Variants in NACAD observed in about 807,000 individuals in gnomAD.
The protein encoded by NACAD is NAC-alpha domain-containing protein 1.
NACAD carries 47 observed loss-of-function variants against 98.9 expected under a neutral mutation model. The ratio of observed to expected loss-of-function variants is 0.48; its 90% CI spans 0.38 to 0.61. NACAD has a LOEUF of 0.61. Ranked by LOEUF, NACAD falls within the 20% of genes least tolerant of loss-of-function variation. The pLI is 0.00. For missense variants in NACAD, 1,412 were observed against 1,748.2 expected (o/e 0.81, Z 3.43); for synonymous variants, 696 against 767.2 (o/e 0.91, Z 1.53).
chr7:45,087,057 G>C (rs999884668), intron 1 of NACAD, among the ~76,000 whole-genome samples: 1 of 152,182 alleles, frequency 6.6e-6, no homozygotes, highest in African/African-American at 2.4e-5. Flanking sequence ...CTCAGTAAAC[G>C]TCTGTGAGCT....
At position 45,088,774 on chromosome 7, in the gene NACAD, C is replaced by G. The variant is rs1427903522; in HGVS notation, c.67+54G>C. On this transcript the variant is annotated intron_variant, in intron 1 of 7. Transcript: ENST00000490531. The surrounding 1 kb of genome is among the most constrained non-coding windows in gnomAD (Gnocchi z 5.7). ...GAAAGGTGAGCGATGGAAAGAGAACCCGGGCTGGAGAGGGGAGAGGCTGAA... is the reference window on the plus strand; with the variant it reads ...GAAAGGTGAGCGATGGAAAGAGAACGCGGGCTGGAGAGGGGAGAGGCTGAA... 7.8e-6 allele frequency: 11 copies of G among 1,410,900 alleles called. No individual in the cohort carries two copies. Among genetic ancestry groups the G allele is most frequent in the Non-Finnish European group, 1.0e-5 (11 of 1,072,168 alleles). 87.4% of individuals were successfully genotyped at this position (1,410,900 alleles called of 1,614,324 possible).
In NACAD at chr7:45,081,685, G is replaced by A; in HGVS notation, c.4186-13C>T. 6.4e-7 allele frequency: 1 copy of A among 1,551,414 alleles called. No individual in the cohort carries two copies. Among genetic ancestry groups the A allele is most frequent in the Non-Finnish European group, 8.7e-7 (1 of 1,146,998 alleles). On this transcript the variant is annotated splice_polypyrimidine_tract_variant and intron_variant, in intron 3 of 7. Transcript: ENST00000490531. Reference sequence around the variant, plus strand: ...CGCCTGCTGGGGCCTGAGAAAAGGTGAGGGCTGAGCATCCATGGGTGGGGT... The same window carrying A: ...CGCCTGCTGGGGCCTGAGAAAAGGTAAGGGCTGAGCATCCATGGGTGGGGT...
rs1784461788 is a variant in NACAD at position 45,083,213 on chromosome 7, G to A, written c.2967C>T (p.Val989=). The A allele has an allele frequency of 6.4e-7, 1 of 1,550,848 alleles. No homozygotes were observed. The highest frequency in any genetic ancestry group is 2.4e-5 in the East Asian group (1 of 40,934). Reference sequence around the variant, plus strand: ...CCTGGTCCAAGGCTGCAGGCTCCGGGACTGTAGGGAGGGCTGCATTCTTCT... The same window carrying A: ...CCTGGTCCAAGGCTGCAGGCTCCGGAACTGTAGGGAGGGCTGCATTCTTCT... ...PEEKNAALPT[V]PEPAALDQVQ... The change falls in exon 2 of 8, where the codon GTC becomes GTT. Residue 989 remains valine (V), a synonymous_variant. Transcript: ENST00000490531.
At position 45,088,957 on chromosome 7, in the gene NACAD, C is replaced by T; in HGVS notation, c.-63G>A. 8.1e-7 allele frequency: 1 copy of T among 1,241,058 alleles called. No individual in the cohort carries two copies. Among genetic ancestry groups the T allele is most frequent in the South Asian group, 2.8e-5 (1 of 36,200 alleles). 76.9% of individuals were successfully genotyped at this position (1,241,058 alleles called of 1,614,324 possible). ...GACCCTCCGTCAGTCCGTGCCGCCG[C>T]CCCGCCGAGCCTGCGCGGCCACCGC... On this transcript the variant is annotated 5_prime_UTR_variant, in exon 1 of 8. Transcript: ENST00000490531. The surrounding 1 kb of genome is among the most constrained non-coding windows in gnomAD (Gnocchi z 5.7).
At chr7:45,081,528 G>A in intron 4 of NACAD, 73 bp downstream of exon 4, 13 of 1,522,028 alleles carry the variant, frequency 8.5e-6, no homozygotes, top group Non-Finnish European at 9.8e-6. Flanking sequence ...CATGGAGTGT[G>A]AGGGTCTTGG....
Position 45,080,945 on chromosome 7 carries a change from G to T in NACAD, c.4482C>A (p.Val1494=). The T allele has an allele frequency of 5.8e-6, 9 of 1,552,386 alleles. No individual in the cohort carries two copies. Among genetic ancestry groups the T allele is most frequent in the Non-Finnish European group, 7.8e-6 (9 of 1,147,408 alleles). The change falls in exon 6 of 8, where the codon GTC becomes GTA. Residue 1494 remains valine, a synonymous_variant. Coordinates refer to ENST00000490531, the MANE Select transcript of NACAD (RefSeq NM_001146334.2). ...CCCGGGGCCTGGGTGCTGACTCAGGGACCAAGGCTGAGGGCTCTGAGGGCA... is the reference window on the plus strand; with the variant it reads ...CCCGGGGCCTGGGTGCTGACTCAGGTACCAAGGCTGAGGGCTCTGAGGGCA... ...FKVPSEPSAL[V]PESAPRPRVR... is the part of the protein sequence containing the mutation.
chr7:45,088,920 C>T lies in NACAD; in HGVS notation c.-26G>A, dbSNP rs898023878. ...GGCCTGGCCGTGCGCCCGCCCGTCCCTCAGTCCTTCCGACCCTCCGTCAGT... is the reference window on the plus strand; with the variant it reads ...GGCCTGGCCGTGCGCCCGCCCGTCCTTCAGTCCTTCCGACCCTCCGTCAGT... On this transcript the variant is annotated 5_prime_UTR_variant, in exon 1 of 8. Coordinates refer to ENST00000490531, the MANE Select transcript of NACAD (RefSeq NM_001146334.2). The surrounding 1 kb of genome is among the most constrained non-coding windows in gnomAD (Gnocchi z 5.7). 31 of 1,369,454 alleles carry T rather than the reference C, an allele frequency of 2.3e-5. No homozygotes were observed. The highest frequency in any genetic ancestry group is 2.8e-5 in the Non-Finnish European group (30 of 1,060,444). 84.8% of individuals were successfully genotyped at this position (1,369,454 alleles called of 1,614,324 possible). A position where few individuals can be genotyped will look rare whatever the true frequency, so the allele number is the denominator to read the frequency against.
intron 6 of NACAD, 50 bp from the exon 7 acceptor site, chr7:45,080,812 G>A: frequency 1.9e-6 from 3 of 1,549,562 alleles, no homozygotes; most frequent in Non-Finnish European, 2.6e-6. Flanking sequence ...AGGTCCCTGG[G>A]GCAGAGCCCC....
In NACAD at chr7:45,080,754, C is replaced by A; in HGVS notation, c.4560G>T (p.Glu1520Asp). 1 of 1,550,998 alleles carries A rather than the reference C, an allele frequency of 6.4e-7. No individual in the cohort carries two copies. The highest frequency in any genetic ancestry group is 8.7e-7 in the Non-Finnish European group (1 of 1,146,978). Residue 1520 changes from glutamate (E) to aspartate (D), a missense_variant, in exon 7 of 8, where the codon GAG becomes GAT. By Grantham distance (45) the Glu-to-Asp change is conservative. Transcript: ENST00000490531. ...CAATGTCACGCAGTTCCAGCCCCGC[C>A]TCGTCCACCTGGAGTTGGGGGAGCA... ...EEEEEEEEVD[E>D]AGLELRDIEL... is the part of the protein sequence containing the mutation.
rs774693293 is a variant in NACAD, at chr7:45,085,416, G to A, written c.764C>T (p.Pro255Leu). The A allele has an allele frequency of 2.6e-5, 40 of 1,547,554 alleles. No individual in the cohort carries two copies. The South Asian group carries it at 3.4e-4, about 13-fold the overall frequency. ...TCGTTCATCCACCATGGACCCCTGC[G>A]GGGACAGGCCCCAGCCTGAGGGGAA... Reference protein sequence around the residue: ...LDFPSGWGLSPQGSMVDEREL... With the variant: ...LDFPSGWGLSLQGSMVDEREL... Residue 255 changes from proline (P) to leucine (L), a missense_variant, in exon 2 of 8, where the codon CCG (proline) becomes CTG (leucine). This residue lies in a region of NACAD where 638 missense variants were observed against 722.7 expected (regional missense o/e 0.88). Coordinates refer to ENST00000490531, the MANE Select transcript of NACAD (RefSeq NM_001146334.2). This position sits in a 1 kb window ranked among gnomAD's most constrained non-coding sequence, Gnocchi z 6.1.
chr7:45,085,028 G>A lies in NACAD; in HGVS notation c.1152C>T (p.Thr384=). Residue 384 remains threonine, a synonymous_variant, in exon 2 of 8, where the codon ACC becomes ACT. Coordinates refer to ENST00000490531, the MANE Select transcript of NACAD (RefSeq NM_001146334.2). The surrounding 1 kb of genome is among the most constrained non-coding windows in gnomAD (Gnocchi z 6.1). ...MDEAFAFRDD[T]SAASSDSDSA... is the part of the protein sequence containing the mutation. ...AGTCTGAATCAGAGGAGGCTGCAGA[G>A]GTGTCGTCCCGGAAGGCAAAAGCCT... 6.4e-7 allele frequency: 1 copy of A among 1,550,910 alleles called. No homozygotes were observed. The highest frequency in any genetic ancestry group is 8.7e-7 in the Non-Finnish European group (1 of 1,146,890).
rs762545496 is a variant in NACAD at position 45,081,834 on chromosome 7, G to A, written c.4106C>T (p.Ser1369Leu). 7.7e-6 allele frequency: 12 copies of A among 1,548,636 alleles called. No individual in the cohort carries two copies. In the East Asian group the frequency reaches 1.2e-4, roughly 16 times the overall value. ...GGCTGATGACTCCCCGTGGCTATCC[G>A]AATGCTGGCCCGAGCCCAGGGCCCG... is the stretch of plus-strand genomic sequence containing the variant. ...SPRALGSGQH[S>L]DSHGESSAEL... Residue 1369 changes from serine (S) to leucine (L), a missense_variant, in exon 3 of 8, where the codon TCG becomes TTG. By Grantham distance (145) the Ser-to-Leu change is moderately radical. Around this residue, in one of 5 missense-constraint regions of NACAD, gnomAD observed 572 missense variants for 639.6 expected, o/e 0.89. Transcript: ENST00000490531.
rs1164383855 is a variant in NACAD, at chr7:45,088,502, C to A, written c.67+326G>T. ...GCTGCCTCTGTCCAGAGCGGCCCAG[C>A]CCCAGCAGGCTGGCAGCTCGGTGCA... On this transcript the variant is annotated intron_variant, in intron 1 of 7. Coordinates refer to ENST00000490531, the MANE Select transcript of NACAD (RefSeq NM_001146334.2). This position sits in a 1 kb window ranked among gnomAD's most constrained non-coding sequence, Gnocchi z 5.7. Among the ~76,000 whole-genome samples, 1 of 152,234 alleles carries A rather than the reference C, an allele frequency of 6.6e-6. No individual in the cohort carries two copies. The highest frequency in any genetic ancestry group is 1.5e-5 in the Non-Finnish European group (1 of 68,034).
Position 45,082,921 on chromosome 7 carries a change from G to A in NACAD, c.3259C>T (p.Leu1087=), listed in dbSNP as rs368138178. The stretch of plus-strand genomic sequence containing the variant: ...GACCTGGGTCCATGTTCCTGTGCCA[G>A]TGGCTTCAGGCCTCCTTCCTGCTGG... ...ENQQEGGLKP[L]AQEHGPRSAL... The change falls in exon 2 of 8, where the codon CTG becomes TTG. Residue 1087 remains leucine (L), a synonymous_variant. Transcript: ENST00000490531. This position sits in a 1 kb window ranked among gnomAD's most constrained non-coding sequence, Gnocchi z 4.5. 1.8e-4 allele frequency: 274 copies of A among 1,550,976 alleles called. 2 individuals are homozygous for A. The highest frequency in any genetic ancestry group is 2.3e-4 in the Non-Finnish European group (259 of 1,147,012).
In NACAD at chr7:45,082,179, G is replaced by C. The variant is rs1372106047; in HGVS notation, c.4001C>G (p.Pro1334Arg). The change falls in exon 2 of 8, where the codon CCC (proline) becomes CGC (arginine). Residue 1334 changes from proline to arginine, a missense_variant. Physicochemically the swap from Pro to Arg is moderately radical, Grantham distance 103. Transcript: ENST00000490531. The surrounding 1 kb of genome is among the most constrained non-coding windows in gnomAD (Gnocchi z 4.5). ...PPCQVPPPSG[P>R]QSPAGPQGLS... ...CCCTTGAGGGCCAGCTGGGCTCTGG[G>C]GCCCAGAGGGAGGAGGCACTTGGCA... The C allele has an allele frequency of 5.3e-6, 8 of 1,520,370 alleles. No individual in the cohort carries two copies. In the East Asian group the frequency reaches 1.5e-4, roughly 28 times the overall value. The allele number at this position is 1,520,370 out of a possible 1,614,324, so 94.2% of individuals were successfully genotyped here.
In NACAD at chr7:45,082,976, T is replaced by C. The variant is rs1784457552; in HGVS notation, c.3204A>G (p.Ser1068=). 3 of 1,550,792 alleles carry C rather than the reference T, an allele frequency of 1.9e-6. No homozygotes were observed. Among genetic ancestry groups the C allele is most frequent in the African/African-American group, 2.7e-5 (2 of 73,038 alleles). ...CAACCTCCAGGGTCTCCTTTTGGGG[T>C]GAGTCAGGCTTAGCCCCATCACCTG... ...AHTGDGAKPD[S]PQKETLEVEN... is the part of the protein sequence containing the mutation. The change falls in exon 2 of 8, where the codon TCA becomes TCG. Residue 1068 remains serine (S), a synonymous_variant. Coordinates refer to ENST00000490531, the MANE Select transcript of NACAD (RefSeq NM_001146334.2). This position sits in a 1 kb window ranked among gnomAD's most constrained non-coding sequence, Gnocchi z 4.5.
rs536123982 is a variant in NACAD at position 45,082,140 on chromosome 7, T to C, written c.4040A>G (p.Glu1347Gly). 1.1e-4 allele frequency: 161 copies of C among 1,485,260 alleles called. 1 individual carries two copies. The South Asian group carries it at 2.2e-3, about 20-fold the overall frequency. 92.0% of individuals were successfully genotyped at this position (1,485,260 alleles called of 1,614,324 possible). Residue 1347 changes from glutamate (E) to glycine (G), a missense_variant, in exon 2 of 8, where the codon GAG becomes GGG. Around this residue, in one of 5 missense-constraint regions of NACAD, gnomAD observed 572 missense variants for 639.6 expected, o/e 0.89. Coordinates refer to ENST00000490531, the MANE Select transcript of NACAD (RefSeq NM_001146334.2). This position sits in a 1 kb window ranked among gnomAD's most constrained non-coding sequence, Gnocchi z 4.5. ...PAGPQGLSAP[E>G]QQEDEDSLEE... ...CAGGCTGTCCTCATCCTCTTGCTGC[T>C]CGGGGGCTGAGAGCCCTTGAGGGCC... is the stretch of plus-strand genomic sequence containing the variant.
Position 45,080,518 on chromosome 7 carries a change from C to T in NACAD, c.4680G>A (p.Leu1560=). ...HSDIVNAIME[L]TM ...AGCTTCCGGTCAGTGGCTACATGGTCAGTTCCTGCAGAAAGAGATGGTCAT... is the reference window on the plus strand; with the variant it reads ...AGCTTCCGGTCAGTGGCTACATGGTTAGTTCCTGCAGAAAGAGATGGTCAT... The change falls in exon 8 of 8, where the codon CTG becomes CTA. Residue 1560 remains leucine, a synonymous_variant. Transcript: ENST00000490531. 2.6e-6 allele frequency: 4 copies of T among 1,551,386 alleles called. No individual in the cohort carries two copies. The highest frequency in any genetic ancestry group is 3.5e-6 in the Non-Finnish European group (4 of 1,146,900).
In NACAD at chr7:45,081,654, C is replaced by T. The variant is rs376697250; in HGVS notation, c.4204G>A (p.Glu1402Lys). The T allele has an allele frequency of 1.4e-5, 21 of 1,551,356 alleles. No homozygotes were observed. The African/African-American group carries it at 2.7e-4, about 20-fold the overall frequency. Residue 1402 changes from glutamate (E) to lysine (K), a missense_variant, in exon 4 of 8, where the codon GAG becomes AAG. Transcript: ENST00000490531. ...CPAQAPAGGS[E>K]ETIAKAKQSR... The stretch of plus-strand genomic sequence containing the variant: ...TGCTTGGCTTTGGCGATGGTCTCCT[C>T]ACTGCCGCCTGCTGGGGCCTGAGAA...
Sources: gnomAD v4.1 joint callset for allele counts (sites outside exome capture counted in the v4.1 genomes callset) on GRCh38, gnomAD v4.1.1 for gene constraint, gnomAD v4.1.1 regional missense constraint, Gnocchi (gnomAD v3.1) non-coding constraint, MANE v1.5 for transcripts, NCBI Gene and HGNC (gene_info 2026-07-23, HGNC 2026-07-21) for gene names.